Variants in USP7 observed in about 807,000 individuals in gnomAD.
USP7 encodes ubiquitin specific peptidase 7, also known as ubiquitin C-terminal hydrolase 7.
In USP7, 9 loss-of-function variants were observed where a neutral mutation model predicts 162.9. The ratio of observed to expected loss-of-function variants is 0.06; its 90% CI spans 0.03 to 0.10. The LOEUF is 0.10. Among genes scored for constraint, USP7 ranks in the 10% least tolerant of loss-of-function variants. The pLI is 1.00. For synonymous variants in USP7, 562 were observed against 475.9 expected (o/e 1.18, Z -2.35); for missense variants, 715 against 1,373.7 (o/e 0.52, Z 7.58).
At chr16:8,905,692 C>T (rs1365947974) in intron 13 of USP7, among the ~76,000 whole-genome samples, 3 of 152,214 alleles carry the variant, frequency 2.0e-5, no homozygotes, top group African/African-American at 4.8e-5. Flanking sequence ...CTGAGCACAC[C>T]AAACGAGAGT....
intron 1 of USP7, among the ~76,000 whole-genome samples, chr16:8,938,408 C>G (rs181007337): frequency 5.9e-5 from 9 of 151,850 alleles, no homozygotes; most frequent in African/African-American, 2.2e-4. Flanking sequence ...ATTCAACAAA[C>G]CGCACATCAA....
At chr16:8,935,744 T>C (rs919956093) in intron 1 of USP7, 4 of 152,046 alleles carry the variant, frequency 2.6e-5, no homozygotes, top group African/African-American at 9.7e-5. Context: ...AGGCAGAAAA[T>C]ATGTTTTTGA....
intron 16 of USP7, 115 bp downstream of exon 16, chr16:8,903,153 G>C: frequency 7.3e-7 from 1 of 1,369,880 alleles, no homozygotes; most frequent in Non-Finnish European, 9.9e-7. Flanking sequence ...CTCACTGTTA[G>C]GCAGTGGCTG....
At chr16:8,917,942 G>A (rs577706505) in intron 6 of USP7, among the ~76,000 whole-genome samples, 49 of 151,950 alleles carry the variant, frequency 3.2e-4, no homozygotes, top group African/African-American at 1.1e-3. Context: ...GGTGCACGCC[G>A]CCATGCCCAG....
intron 1 of USP7, among the ~76,000 whole-genome samples, chr16:8,951,612 C>T (rs529771782): frequency 2.9e-4 from 44 of 152,326 alleles, no homozygotes; most frequent in Middle Eastern, 3.4e-3. Context: ...TGAGGCTATA[C>T]TTAGGTCTAA....
intron 1 of USP7, among the ~76,000 whole-genome samples, chr16:8,953,259 T>C (rs1009793313): frequency 6.6e-6 from 1 of 152,046 alleles, no homozygotes; most frequent in African/African-American, 2.4e-5. Context: ...AGCCCTCCCC[T>C]GCACACGTGT....
Position 8,906,418 on chromosome 16 carries a change from C to A in USP7, c.1428+8G>T, listed in dbSNP as rs1405871058. The A allele has an allele frequency of 6.2e-7, 1 of 1,610,796 alleles. No homozygotes were observed. The highest frequency in any genetic ancestry group is 2.2e-5 in the East Asian group (1 of 44,878). The stretch of plus-strand genomic sequence containing the variant: ...AGCTTGCATTCAGCCCTGGGTCCCA[C>A]CACTTACTTTGCCATCCCCTTTGGG... On this transcript the variant is annotated splice_region_variant and intron_variant, in intron 13 of 30. Transcript: ENST00000344836.
chr16:8,901,892 G>T (rs1048681300), intron 18 of USP7, 190 bp downstream of exon 18: 12 of 596,344 alleles, frequency 2.0e-5, no homozygotes, highest in Non-Finnish European at 3.3e-5. Context: ...TACTGTCTCC[G>T]GGCCTCACAG....
chr16:8,951,874 T>A (rs1373128924), intron 1 of USP7, among the ~76,000 whole-genome samples: 1 of 152,238 alleles, frequency 6.6e-6, no homozygotes, highest in Non-Finnish European at 1.5e-5. Flanking sequence ...TTTTGCTTCA[T>A]CTCTTTTTAT....
intron 2 of USP7, among the ~76,000 whole-genome samples, chr16:8,926,565 G>C (rs1474809021): frequency 6.6e-6 from 1 of 152,176 alleles, no homozygotes; most frequent in Admixed American, 6.5e-5. Context: ...CAGCCAGATT[G>C]TCCTCCTACG....
At chr16:8,919,302 A>AG (rs1897546642) in intron 5 of USP7, among the ~76,000 whole-genome samples, 163 bp from the exon 6 acceptor site, 1 of 151,896 alleles carries the variant, frequency 6.6e-6, no homozygotes, top group Admixed American at 6.6e-5. Context: ...TGCTTGCTCC[A>AG]GTGTGTGAAC....
chr16:8,946,667 T>G lies in USP7; in HGVS notation c.80-16270A>C, dbSNP rs181531551. Among the ~76,000 whole-genome samples the G allele has an allele frequency of 2.0e-5, 3 of 152,174 alleles. No individual in the cohort carries two copies. The East Asian group carries it at 5.8e-4, about 29-fold the overall frequency. Reference sequence around the variant, plus strand: ...CATACAGGCATGGCAAAGGCACACCTCCAATAATCTGGTCACTGGCCTATA... The same window carrying G: ...CATACAGGCATGGCAAAGGCACACCGCCAATAATCTGGTCACTGGCCTATA... On this transcript the variant is annotated intron_variant, in intron 1 of 30. Coordinates refer to ENST00000344836, the MANE Select transcript of USP7 (RefSeq NM_003470.3).
Position 8,894,060 on chromosome 16 carries a change from T to G in USP7, c.3247A>C (p.Asn1083His), listed in dbSNP as rs1175842044. Residue 1083 changes from asparagine to histidine, a missense_variant, in exon 31 of 31, where the codon AAC becomes CAC. Coordinates refer to ENST00000344836, the MANE Select transcript of USP7 (RefSeq NM_003470.3). The part of the protein sequence containing the change: ...PRPWLGLDHF[N>H]KAPKRSRYTY... ...TAGCGACTCCTCTTTGGGGCTTTGT[T>G]GAAGTGGTCGAGCCCTAGCCAAGGC... The G allele has an allele frequency of 6.2e-7, 1 of 1,614,150 alleles. No homozygotes were observed. The highest frequency in any genetic ancestry group is 8.5e-7 in the Non-Finnish European group (1 of 1,180,020).
intron 12 of USP7, 54 bp downstream of exon 12, chr16:8,908,287 C>T (rs2061891942): frequency 1.0e-5 from 14 of 1,405,578 alleles, no homozygotes; most frequent in African/African-American, 1.4e-5. Flanking sequence ...TGAGACTAAC[C>T]CCCTAGACCA....
At chr16:8,923,103 CG>C in intron 3 of USP7, 111 bp downstream of exon 3, 1 of 515,374 alleles carries the variant, frequency 1.9e-6, no homozygotes, top group East Asian at 5.3e-5. Context: ...AAGAGAAACA[CG>C]TATTTAATCT....
At chr16:8,922,124 G>C (rs1042551569) in intron 3 of USP7, among the ~76,000 whole-genome samples, 2 of 152,202 alleles carry the variant, frequency 1.3e-5, no homozygotes, top group African/African-American at 4.8e-5. Context: ...ATCATAATGT[G>C]AACAGAAGAG....
chr16:8,895,826 G>T, intron 26 of USP7, 85 bp from the exon 27 acceptor site: 10 of 869,500 alleles, frequency 1.2e-5, no homozygotes, highest in Non-Finnish European at 1.7e-5. Context: ...AAGAAATAAA[G>T]TTACCACGAT....
chr16:8,939,729 CATAT>C (rs1898944976), intron 1 of USP7, among the ~76,000 whole-genome samples: 1 of 152,194 alleles, frequency 6.6e-6, no homozygotes, highest in South Asian at 2.1e-4. Flanking sequence ...AAGGAAAACA[CATAT>C]ACTATTCACA....
rs150837079 is a variant in USP7 at position 8,915,457 on chromosome 16, G to A, written c.975C>T (p.Arg325=). Residue 325 remains arginine (R), a synonymous_variant, in exon 9 of 31, where the codon CGC becomes CGT. Transcript: ENST00000344836. The stretch of plus-strand genomic sequence containing the variant: ...GGTAGCCACATACCACCATTTTGCC[G>A]CGGAATAATTTGGGTATGGTGCCCT... ...CVEGTIPKLF[R]GKMVSYIQCK... is the part of the protein sequence containing the mutation. 452 of 1,613,524 alleles carry A rather than the reference G, an allele frequency of 2.8e-4. No individual in the cohort carries two copies. Among genetic ancestry groups the A allele is most frequent in the Non-Finnish European group, 3.5e-4 (416 of 1,179,986 alleles).
Sources: gnomAD v4.1 joint callset for allele counts (sites outside exome capture counted in the v4.1 genomes callset) on GRCh38, gnomAD v4.1.1 for gene constraint, MANE v1.5 for transcripts, NCBI Gene and HGNC (gene_info 2026-07-23, HGNC 2026-07-21) for gene names.